The following KAZN variants were observed in gnomAD, a reference collection of about 807,000 sequenced individuals.
KAZN encodes the protein kazrin, periplakin interacting protein.
KAZN carries 40 observed loss-of-function variants against 87.4 expected under a neutral mutation model. The observed-to-expected ratio is 0.46, with a 90% CI of 0.36 to 0.60. KAZN has a LOEUF of 0.60. KAZN is among the 20% of genes least tolerant of loss of function. KAZN has a pLI of 0.00. For missense variants in KAZN, 898 were observed against 1,073.9 expected (o/e 0.84, Z 2.29); for synonymous variants, 466 against 458.3 (o/e 1.02, Z -0.22).
At position 14,742,793 on chromosome 1, in the gene KAZN, C is replaced by T. The variant is rs181756458; in HGVS notation, c.226+143570C>T. On this transcript the variant is annotated intron_variant, in intron 1 of 14. Transcript: ENST00000376030. ...CCATTTGCTGAGCCTGTCCTGTGGACAGCCATGGTGGCAGGAGCCAGGGAT... is the reference window on the plus strand; with the variant it reads ...CCATTTGCTGAGCCTGTCCTGTGGATAGCCATGGTGGCAGGAGCCAGGGAT... Among the ~76,000 whole-genome samples, 47 of 152,340 alleles carry T rather than the reference C, an allele frequency of 3.1e-4. No individual in the cohort carries two copies. In the East Asian group the frequency reaches 7.2e-3, roughly 23 times the overall value.
At chr1:14,705,357 G>A (rs1280301354) in intron 1 of KAZN, among the ~76,000 whole-genome samples, 6 of 152,162 alleles carry the variant, frequency 3.9e-5, no homozygotes, top group Admixed American at 1.3e-4. Context: ...TAACTACTAT[G>A]GAGAACAGTA....
At chr1:14,695,485 C>T (rs897977437) in intron 1 of KAZN, among the ~76,000 whole-genome samples, 9 of 118,146 alleles carry the variant, frequency 7.6e-5, no homozygotes, top group Non-Finnish European at 1.6e-4. Context: ...TGGAATGCCA[C>T]CTCTTTCCCC....
intron 1 of KAZN, among the ~76,000 whole-genome samples, chr1:14,019,006 A>G (rs1455300571): frequency 6.6e-6 from 1 of 152,164 alleles, no homozygotes. Context: ...CTCTATGTAC[A>G]TATCCTTGAT....
At chr1:15,023,815 G>GAGTGGT (rs1032616760) in intron 2 of KAZN, among the ~76,000 whole-genome samples, 1 of 151,872 alleles carries the variant, frequency 6.6e-6, no homozygotes, top group Non-Finnish European at 1.5e-5. Flanking sequence ...AGTGACTGAG[G>GAGTGGT]AGTGGTAAAA....
At chr1:14,845,159 G>GTGGATGGGTGGGTGGATGGA (rs1648562059) in intron 1 of KAZN, among the ~76,000 whole-genome samples, 1 of 151,362 alleles carries the variant, frequency 6.6e-6, no homozygotes, top group Non-Finnish European at 1.5e-5. Context: ...TGGATAGTGA[G>GTGGATGGGTGGGTGGATGGA]TGGATGGGTG....
At chr1:14,554,271 A>G (rs1051175089) in intron 2 of KAZN, among the ~76,000 whole-genome samples, 1 of 152,080 alleles carries the variant, frequency 6.6e-6, no homozygotes, top group South Asian at 2.1e-4. Context: ...ACCTACAGCC[A>G]CACAAATACA....
At chr1:14,359,098 G>A (rs1005299576) in intron 2 of KAZN, among the ~76,000 whole-genome samples, 2 of 152,088 alleles carry the variant, frequency 1.3e-5, no homozygotes, top group African/African-American at 4.8e-5. Flanking sequence ...TTATGAATCT[G>A]GGTGCTCCTG....
chr1:14,258,155 C>T (rs1650702410), intron 2 of KAZN, among the ~76,000 whole-genome samples: 1 of 137,658 alleles, frequency 7.3e-6, no homozygotes. Context: ...AAAACTGTCC[C>T]AAAACTGTCC....
At chr1:14,267,147 A>G (rs1291092600) in intron 2 of KAZN, among the ~76,000 whole-genome samples, 1 of 151,120 alleles carries the variant, frequency 6.6e-6, no homozygotes, top group Non-Finnish European at 1.5e-5. Flanking sequence ...AGGATCTGCT[A>G]TATTTGAAAA....
At chr1:15,044,603 G>T (rs774844254) in intron 4 of KAZN, among the ~76,000 whole-genome samples, 1 of 151,816 alleles carries the variant, frequency 6.6e-6, no homozygotes, top group African/African-American at 2.4e-5. Flanking sequence ...AATTAGCCAG[G>T]CCTGGTACAT....
At chr1:14,396,664 A>T (rs1168243172) in intron 2 of KAZN, among the ~76,000 whole-genome samples, 2 of 152,198 alleles carry the variant, frequency 1.3e-5, no homozygotes, top group African/African-American at 4.8e-5. Context: ...AAAATTGAGA[A>T]GCAGGCCAGT....
At chr1:14,687,174 T>A (rs1264511447) in intron 1 of KAZN, among the ~76,000 whole-genome samples, 1 of 152,188 alleles carries the variant, frequency 6.6e-6, no homozygotes, top group Non-Finnish European at 1.5e-5. Context: ...GCTGGTATGA[T>A]AATTACTTCT....
intron 1 of KAZN, among the ~76,000 whole-genome samples, chr1:14,100,770 G>A (rs1185888201): frequency 6.6e-6 from 1 of 152,190 alleles, no homozygotes; most frequent in Non-Finnish European, 1.5e-5. Flanking sequence ...TCTTATCAGT[G>A]TGATATTGTT....
intron 2 of KAZN, among the ~76,000 whole-genome samples, chr1:15,022,241 G>A (rs1037702507): frequency 6.6e-6 from 1 of 152,108 alleles, no homozygotes; most frequent in African/African-American, 2.4e-5. Flanking sequence ...TCTATCCAGT[G>A]GTCTTGCAGC....
intron 1 of KAZN, among the ~76,000 whole-genome samples, chr1:14,676,005 G>A (rs984025596): frequency 6.6e-6 from 1 of 152,268 alleles, no homozygotes; most frequent in East Asian, 1.9e-4. Flanking sequence ...CCAAAATATA[G>A]GGGAGGTGAA....
chr1:14,341,973 C>G (rs1004049433), intron 2 of KAZN, among the ~76,000 whole-genome samples: 1 of 152,130 alleles, frequency 6.6e-6, no homozygotes, highest in Admixed American at 6.5e-5. Context: ...TGCTCATCTC[C>G]CTCCTCCCAC....
intron 1 of KAZN, among the ~76,000 whole-genome samples, chr1:14,902,079 G>A (rs1389683576): frequency 6.6e-6 from 1 of 152,148 alleles, no homozygotes; most frequent in Non-Finnish European, 1.5e-5. Context: ...GAGGTGGGAG[G>A]CCCCCAGGAG....
intron 1 of KAZN, among the ~76,000 whole-genome samples, chr1:14,178,459 TCTG>T (rs1202019971): frequency 6.6e-6 from 1 of 152,238 alleles, no homozygotes; most frequent in Non-Finnish European, 1.5e-5. Flanking sequence ...CATTGTCTAA[TCTG>T]CTATTAATCT....
chr1:14,860,723 T>C (rs1371499663), intron 1 of KAZN, among the ~76,000 whole-genome samples: 4 of 152,238 alleles, frequency 2.6e-5, no homozygotes, highest in Non-Finnish European at 5.9e-5. Flanking sequence ...ACCTTATATG[T>C]TTGTATTCAA....
Sources: allele counts gnomAD v4.1 joint callset (sites outside exome capture counted in the v4.1 genomes callset), GRCh38; gene constraint gnomAD v4.1.1; transcripts MANE v1.5; gene names NCBI Gene and HGNC (gene_info 2026-07-23, HGNC 2026-07-21).